Variants in ASXL3 observed in about 807,000 individuals in gnomAD.
The protein encoded by ASXL3 is putative Polycomb group protein ASXL3.
Under a neutral mutation model 170.6 loss-of-function variants are expected in ASXL3, and 34 were observed. The observed-to-expected ratio is 0.20, with a 90% CI of 0.15 to 0.27. The LOEUF (loss-of-function observed/expected upper bound fraction) is 0.27, where lower values mean the gene tolerates loss of function less well. Among genes scored for constraint, ASXL3 ranks in the 10% least tolerant of loss-of-function variants. ASXL3 has a pLI of 1.00. For synonymous variants in ASXL3, 1,002 were observed against 989.1 expected, an observed-to-expected ratio of 1.01 and a Z score of -0.24; for missense variants, 2,592 against 2,695.3, an observed-to-expected ratio of 0.96 and a Z score of 0.85.
At chr18:33,647,116 A>T (rs1382601024) in intron 4 of ASXL3, among the ~76,000 whole-genome samples, 1 of 152,112 alleles carries the variant, frequency 6.6e-6, no homozygotes, top group Non-Finnish European at 1.5e-5. Flanking sequence ...CAGTAGACTC[A>T]TAGGAATCAG....
chr18:33,629,968 T>A (rs556080615), intron 2 of ASXL3, among the ~76,000 whole-genome samples: 1 of 152,160 alleles, frequency 6.6e-6, no homozygotes, highest in East Asian at 1.9e-4. Context: ...CTGGTTTTAA[T>A]GTACGGAAGA....
chr18:33,720,630 G>T (rs780642652), intron 8 of ASXL3, among the ~76,000 whole-genome samples: 1 of 152,106 alleles, frequency 6.6e-6, no homozygotes, highest in African/African-American at 2.4e-5. Context: ...GTCCCAAGAT[G>T]TGGCCAAAGG....
intron 6 of ASXL3, 137 bp downstream of exon 6, chr18:33,670,927 T>C (rs536748882): frequency 1.9e-6 from 1 of 516,756 alleles, no homozygotes; most frequent in Non-Finnish European, 3.3e-6. Flanking sequence ...TTTATACCTT[T>C]GACTCAGTGA....
intron 2 of ASXL3, among the ~76,000 whole-genome samples, chr18:33,626,416 C>A (rs12961600): frequency 0.56 from 85,483 of 151,842 alleles, 24,981 homozygotes; most frequent in African/African-American, 0.69. Flanking sequence ...GGTAGTTAGA[C>A]TTATGAAAGT....
chr18:33,621,253 T>TAG (rs1179247598), intron 2 of ASXL3, among the ~76,000 whole-genome samples: 3 of 152,162 alleles, frequency 2.0e-5, no homozygotes, highest in South Asian at 4.1e-4. Flanking sequence ...TCTTTAAGCT[T>TAG]AGAAGAGGCT....
At chr18:33,689,257 G>A (rs1271145190) in intron 8 of ASXL3, among the ~76,000 whole-genome samples, 1 of 152,186 alleles carries the variant, frequency 6.6e-6, no homozygotes, top group Non-Finnish European at 1.5e-5. Context: ...GCCTCCCAAA[G>A]TGCTGGGATT....
intron 8 of ASXL3, among the ~76,000 whole-genome samples, chr18:33,693,971 G>A (rs562526292): frequency 6.6e-6 from 1 of 152,278 alleles, no homozygotes; most frequent in Admixed American, 6.5e-5. Context: ...AGCAAAGTAT[G>A]TTGATAAATG....
intron 5 of ASXL3, among the ~76,000 whole-genome samples, chr18:33,669,138 C>T (rs2066303222): frequency 6.6e-6 from 1 of 152,090 alleles, no homozygotes; most frequent in Non-Finnish European, 1.5e-5. Flanking sequence ...CTATAAAGTA[C>T]TTTGAATTCT....
intron 2 of ASXL3, 113 bp from the exon 3 acceptor site, chr18:33,644,777 CTTTT>C (rs2065894812): frequency 3.4e-6 from 2 of 581,694 alleles, no homozygotes; most frequent in African/African-American, 1.9e-5. Context: ...GCAAAGAGGT[CTTTT>C]TTTAATTATT....
At chr18:33,647,728 C>T (rs1162230964) in intron 4 of ASXL3, among the ~76,000 whole-genome samples, 1 of 152,006 alleles carries the variant, frequency 6.6e-6, no homozygotes, top group African/African-American at 2.4e-5. Context: ...ATTGCAGTTA[C>T]AGCAGTGAAA....
At position 33,739,045 on chromosome 18, in the gene ASXL3, T is replaced by G. The variant is rs901689314; in HGVS notation, c.1641T>G (p.Thr547=). 1 of 1,613,452 alleles carries G rather than the reference T, an allele frequency of 6.2e-7. No homozygotes were observed. Among genetic ancestry groups the G allele is most frequent in the South Asian group, 1.1e-5 (1 of 90,964 alleles). The change falls in exon 11 of 12, where the codon ACT becomes ACG. Residue 547 remains threonine, a synonymous_variant. Coordinates refer to ENST00000269197, the MANE Select transcript of ASXL3 (RefSeq NM_030632.3). ...TCTGTGACTCTCTTATTCCTTCCAC[T>G]TCATCTATGACTCATGTCAGTGACA... is the stretch of plus-strand genomic sequence containing the variant. ...LEVCDSLIPS[T]SSMTHVSDTE... is the part of the protein sequence containing the mutation.
rs1276464838 is a variant in ASXL3 at position 33,739,059 on chromosome 18, A to G, written c.1655A>G (p.His552Arg). ...ATTCCTTCCACTTCATCTATGACTCATGTCAGTGACACAGAACATAAGGAG... is the reference window on the plus strand; with the variant it reads ...ATTCCTTCCACTTCATCTATGACTCGTGTCAGTGACACAGAACATAAGGAG... ...SLIPSTSSMT[H>R]VSDTEHKESE... Residue 552 changes from histidine (H) to arginine (R), a missense_variant, in exon 11 of 12, where the codon CAT becomes CGT. By Grantham distance (29) the His-to-Arg change is conservative (BLOSUM62 0). Around this residue, in one of 4 missense-constraint regions of ASXL3, gnomAD observed 2,246 missense variants for 2,219.6 expected, o/e 1.01. Coordinates refer to ENST00000269197, the MANE Select transcript of ASXL3 (RefSeq NM_030632.3). 4 of 1,613,332 alleles carry G rather than the reference A, an allele frequency of 2.5e-6. No homozygotes were observed. In the South Asian group the frequency reaches 3.3e-5, roughly 13 times the overall value.
intron 7 of ASXL3, 120 bp from the exon 8 acceptor site, chr18:33,683,285 A>C (rs2145285035): frequency 2.4e-6 from 2 of 818,254 alleles, no homozygotes; most frequent in East Asian, 5.9e-5. Context: ...AAAGGGGTAG[A>C]AGTAAACATA....
At chr18:33,678,503 A>T (rs2066464905) in intron 7 of ASXL3, among the ~76,000 whole-genome samples, 1 of 152,178 alleles carries the variant, frequency 6.6e-6, no homozygotes, top group South Asian at 2.1e-4. Context: ...GTGGTCTTCA[A>T]ATTCCCTGTG....
At chr18:33,728,427 G>C (rs372278863) in intron 8 of ASXL3, among the ~76,000 whole-genome samples, 1 of 151,998 alleles carries the variant, frequency 6.6e-6, no homozygotes, top group South Asian at 2.1e-4. Context: ...TCTAAATTGA[G>C]TTGCCATTTT....
At chr18:33,650,027 T>C (rs973622956) in intron 4 of ASXL3, among the ~76,000 whole-genome samples, 3 of 152,094 alleles carry the variant, frequency 2.0e-5, no homozygotes, top group Non-Finnish European at 4.4e-5. Context: ...CCTGGTGCTG[T>C]GGGATGGGAC....
intron 8 of ASXL3, among the ~76,000 whole-genome samples, chr18:33,721,135 T>C (rs1236690854): frequency 2.0e-5 from 3 of 152,088 alleles, no homozygotes; most frequent in Non-Finnish European, 4.4e-5. Flanking sequence ...TTGTTTTCTT[T>C]CGTTAATTGG....
At chr18:33,673,398 G>A (rs1309032681) in intron 7 of ASXL3, among the ~76,000 whole-genome samples, 3 of 150,090 alleles carry the variant, frequency 2.0e-5, no homozygotes, top group African/African-American at 7.4e-5. Flanking sequence ...TTTTGAGACA[G>A]GGTTTCGCTC....
At chr18:33,733,368 T>A (rs1005971491) in intron 9 of ASXL3, among the ~76,000 whole-genome samples, 3 of 152,228 alleles carry the variant, frequency 2.0e-5, no homozygotes, top group Non-Finnish European at 4.4e-5. Flanking sequence ...ACAACTGTCC[T>A]CATAGTTCCT....
Sources: allele counts gnomAD v4.1 joint callset (sites outside exome capture counted in the v4.1 genomes callset), GRCh38; gene constraint gnomAD v4.1.1; regional missense constraint gnomAD v4.1.1; transcripts MANE v1.5; gene names NCBI Gene and HGNC (gene_info 2026-07-23, HGNC 2026-07-21).